Variants in RAI14 observed in about 807,000 individuals in gnomAD.
The protein encoded by RAI14 is ankycorbin.
RAI14 carries 45 observed loss-of-function variants against 115.4 expected under a neutral mutation model. That is an observed-to-expected ratio of 0.39 (90% CI 0.31 to 0.50). The LOEUF is 0.50. RAI14 is among the 20% of genes least tolerant of loss of function. The pLI, the probability that RAI14 is intolerant of heterozygous loss-of-function variation, is 0.85. For missense variants in RAI14, 939 were observed against 1,131.2 expected (o/e 0.83, Z 2.44); for synonymous variants, 371 against 415.4 (o/e 0.89, Z 1.30).
At position 34,661,049 on chromosome 5, in the gene RAI14, T is replaced by C. The variant is rs116578526; in HGVS notation, c.-49+4574T>C. 3.4e-3 allele frequency among the ~76,000 whole-genome samples: 516 copies of C among 152,340 alleles called. 3 individuals carry two copies. The highest frequency in any genetic ancestry group is 0.012 in the African/African-American group (483 of 41,584). Reference sequence around the variant, plus strand: ...ACTTACCACCTTCTAGCTTGCCGTGTATAGGTTGAGTATTCTTTATTCCAG... The same window carrying C: ...ACTTACCACCTTCTAGCTTGCCGTGCATAGGTTGAGTATTCTTTATTCCAG... On this transcript the variant is annotated intron_variant, in intron 1 of 17. Transcript: ENST00000265109.
chr5:34,753,629 A>G (rs929637227), intron 2 of RAI14, among the ~76,000 whole-genome samples: 1 of 151,780 alleles, frequency 6.6e-6, no homozygotes. Context: ...AAAATACAAA[A>G]ATTGGGCCAG....
intron 16 of RAI14, among the ~76,000 whole-genome samples, chr5:34,828,758 A>G (rs2150314981): frequency 6.6e-6 from 1 of 152,312 alleles, no homozygotes; most frequent in African/African-American, 2.4e-5. Flanking sequence ...TAGCTCAACA[A>G]GGAGAAATAG....
intron 3 of RAI14, among the ~76,000 whole-genome samples, chr5:34,779,571 T>C (rs1369644090): frequency 1.3e-5 from 2 of 151,984 alleles, no homozygotes; most frequent in South Asian, 2.1e-4. Context: ...CATTCTTATA[T>C]ACCAATAACA....
chr5:34,786,491 C>T (rs114153639), intron 3 of RAI14, among the ~76,000 whole-genome samples: 8 of 152,136 alleles, frequency 5.3e-5, no homozygotes, highest in African/African-American at 1.7e-4. Context: ...GCAAACAAAC[C>T]GGCTCTGTTA....
chr5:34,719,416 G>A (rs558489587), intron 2 of RAI14, among the ~76,000 whole-genome samples: 36 of 152,122 alleles, frequency 2.4e-4, no homozygotes, highest in Admixed American at 2.0e-3. Context: ...ACAACATCCC[G>A]CTCATATTCA....
intron 2 of RAI14, among the ~76,000 whole-genome samples, chr5:34,726,231 C>T (rs898263607): frequency 6.6e-6 from 1 of 152,010 alleles, no homozygotes; most frequent in Non-Finnish European, 1.5e-5. Flanking sequence ...TCTTCCCACA[C>T]TGCTATAAAG....
chr5:34,769,448 A>G (rs1266902772), intron 3 of RAI14, among the ~76,000 whole-genome samples: 1 of 152,198 alleles, frequency 6.6e-6, no homozygotes, highest in Non-Finnish European at 1.5e-5. Flanking sequence ...ATGGGAATCC[A>G]GACCTTTTAA....
intron 1 of RAI14, among the ~76,000 whole-genome samples, chr5:34,679,535 A>G (rs772893242): frequency 2.0e-5 from 3 of 151,876 alleles, no homozygotes; most frequent in Non-Finnish European, 4.4e-5. Context: ...TGGCTTGCCC[A>G]TAGTTCTAGA....
chr5:34,812,158 T>A, intron 9 of RAI14, 22 bp from the exon 10 acceptor site: 1 of 1,560,564 alleles, frequency 6.4e-7, no homozygotes, highest in African/African-American at 1.4e-5. Flanking sequence ...TATAGTTCTT[T>A]TTTTCACTTT....
At chr5:34,711,088 T>G (rs1022332856) in intron 2 of RAI14, among the ~76,000 whole-genome samples, 3 of 152,108 alleles carry the variant, frequency 2.0e-5, no homozygotes, top group African/African-American at 7.2e-5. Context: ...TGACTGGTAT[T>G]TAGAGATGAG....
chr5:34,665,483 A>AT (rs906701187), intron 1 of RAI14, among the ~76,000 whole-genome samples: 57 of 137,422 alleles, frequency 4.1e-4, no homozygotes, highest in Admixed American at 9.5e-4. Context: ...AGTGTTTTCC[A>AT]TTTTTTTTTC....
chr5:34,743,459 A>G (rs1030514711), intron 2 of RAI14, among the ~76,000 whole-genome samples: 1 of 152,220 alleles, frequency 6.6e-6, no homozygotes. Flanking sequence ...CGAGTCTAGA[A>G]TAATTTAATC....
At chr5:34,679,142 C>T (rs1744207209) in intron 1 of RAI14, among the ~76,000 whole-genome samples, 1 of 152,174 alleles carries the variant, frequency 6.6e-6, no homozygotes, top group Non-Finnish European at 1.5e-5. Context: ...TGGTAGGAAT[C>T]ATTGCATAGC....
intron 1 of RAI14, among the ~76,000 whole-genome samples, chr5:34,662,721 A>ATTTTT (rs746930489): frequency 0.062 from 5,670 of 91,830 alleles, 610 homozygotes; most frequent in South Asian, 0.31. Context: ...ATTTAAACAG[A>ATTTTT]TTTTTTTTTT....
chr5:34,801,972 G>A (rs1754324928), intron 4 of RAI14, among the ~76,000 whole-genome samples: 1 of 152,146 alleles, frequency 6.6e-6, no homozygotes, highest in Non-Finnish European at 1.5e-5. Flanking sequence ...TCTGAGGTGG[G>A]AGGATCACTT....
rs1432761672 is a variant in RAI14 at position 34,831,059 on chromosome 5, T to C, written c.*294T>C. ...TGATGCTGGCAGGGGGGCCCCCTCCTCCATCCCTGACTGGCTGAGTGGCTT... is the reference window on the plus strand; with the variant it reads ...TGATGCTGGCAGGGGGGCCCCCTCCCCCATCCCTGACTGGCTGAGTGGCTT... On this transcript the variant is annotated 3_prime_UTR_variant, in exon 18 of 18. Coordinates refer to ENST00000265109, the MANE Select transcript of RAI14 (RefSeq NM_015577.3). 5 of 346,212 alleles carry C rather than the reference T, an allele frequency of 1.4e-5. No homozygotes were observed. The highest frequency in any genetic ancestry group is 2.1e-5 in the Non-Finnish European group (4 of 192,030). The allele number at this position is 346,212 out of a possible 1,614,324, so 21.4% of individuals were successfully genotyped here.
At position 34,803,752 on chromosome 5, in the gene RAI14, T is replaced by C; in HGVS notation, c.297T>C (p.His99=). The change falls in exon 5 of 18, where the codon CAT becomes CAC. Residue 99 remains histidine, a synonymous_variant. Transcript: ENST00000265109. The part of the protein sequence containing the change: ...ALHLAAKNSH[H]ECIRKLLQSK... ...ATCTCGCAGCCAAGAACAGCCACCATGAATGCATCAGGAAGCTGCTTCAGG... is the reference window on the plus strand; with the variant it reads ...ATCTCGCAGCCAAGAACAGCCACCACGAATGCATCAGGAAGCTGCTTCAGG... The C allele has an allele frequency of 6.2e-7, 1 of 1,612,624 alleles. No homozygotes were observed. The highest frequency in any genetic ancestry group is 8.5e-7 in the Non-Finnish European group (1 of 1,179,330).
intron 1 of RAI14, 131 bp from the exon 2 acceptor site, chr5:34,686,741 C>T (rs551068575): frequency 3.2e-4 from 144 of 454,390 alleles, no homozygotes; most frequent in Non-Finnish European, 1.5e-4. Context: ...ATTTACCACT[C>T]CTCAGCTGTT....
rs1215271331 is a variant in RAI14 at position 34,752,701 on chromosome 5, ATATGTGTGTGTGTGTG to A, written c.37-4765_37-4750del. On this transcript the variant is annotated intron_variant, in intron 2 of 17. Coordinates refer to ENST00000265109, the MANE Select transcript of RAI14 (RefSeq NM_015577.3). Reference sequence around the variant, plus strand: ...TAAGAAATATCTATATTTCTTACATATATGTGTGTGTGTGTGTGTGTGTGTGTGTGTGTGTGTGTGT... The same window carrying A: ...TAAGAAATATCTATATTTCTTACATATGTGTGTGTGTGTGTGTGTGTGTGT... Among the ~76,000 whole-genome samples the A allele has an allele frequency of 2.3e-3, 210 of 90,206 alleles. 11 individuals are homozygous for A. Among genetic ancestry groups the A allele is most frequent in the Non-Finnish European group, 2.8e-3 (128 of 46,118 alleles). 59.2% of individuals were successfully genotyped at this position (90,206 alleles called of 152,430 possible). A position where few individuals can be genotyped will look rare whatever the true frequency, so the allele number is the denominator to read the frequency against.
Sources: gnomAD v4.1 joint callset for allele counts (sites outside exome capture counted in the v4.1 genomes callset) on GRCh38, gnomAD v4.1.1 for gene constraint, MANE v1.5 for transcripts, NCBI Gene and HGNC (gene_info 2026-07-23, HGNC 2026-07-21) for gene names.